SH3KBP1: variants seen among roughly 807,000 people sequenced by gnomAD.
SH3KBP1 encodes the protein SH3 domain-containing kinase-binding protein 1.
In SH3KBP1, 8 loss-of-function variants were observed where a neutral mutation model predicts 50.1. That is an observed-to-expected ratio of 0.16 (90% CI 0.09 to 0.29). The LOEUF (loss-of-function observed/expected upper bound fraction) is 0.29, where lower values mean the gene tolerates loss of function less well. Ranked by LOEUF, SH3KBP1 falls within the 10% of genes least tolerant of loss-of-function variation. The pLI is 1.00. For synonymous variants in SH3KBP1, 227 were observed against 218.6 expected, an observed-to-expected ratio of 1.04 and a Z score of -0.34; for missense variants, 377 against 535.2, an observed-to-expected ratio of 0.70 and a Z score of 2.92.
chrX:19,703,326 A>G (rs1404914407), intron 4 of SH3KBP1, among the ~76,000 whole-genome samples: 1 of 111,666 alleles, frequency 9.0e-6, no homozygotes, highest in East Asian at 2.8e-4. Flanking sequence ...AATGTTTAAA[A>G]AAAAAAAACT....
At chrX:19,582,486 T>G (rs763371697) in intron 12 of SH3KBP1, among the ~76,000 whole-genome samples, 4 of 112,090 alleles carry the variant, frequency 3.6e-5, no homozygotes, top group Non-Finnish European at 7.5e-5. Context: ...CCTTCATTCA[T>G]TCATCTTCAG....
chrX:19,537,463 G>GA (rs367732402), intron 17 of SH3KBP1, among the ~76,000 whole-genome samples: 5,345 of 66,718 alleles, frequency 0.08, 476 homozygotes, highest in African/African-American at 0.23. Context: ...GTCTCAAAAA[G>GA]AAAAAAAAAA....
chrX:19,563,049 G>T (rs964008818), intron 13 of SH3KBP1, among the ~76,000 whole-genome samples: 1 of 111,773 alleles, frequency 8.9e-6, no homozygotes, highest in Non-Finnish European at 1.9e-5. Context: ...CTGAGTTTGC[G>T]CTTATGGGAT....
At chrX:19,790,457 A>G (rs1344040134) in intron 2 of SH3KBP1, among the ~76,000 whole-genome samples, 1 of 111,822 alleles carries the variant, frequency 8.9e-6, no homozygotes, top group African/African-American at 3.3e-5. Flanking sequence ...ACCCCATGAA[A>G]TCAGAAGAAT....
At chrX:19,591,343 A>G (rs772882779) in intron 11 of SH3KBP1, among the ~76,000 whole-genome samples, 4 of 112,112 alleles carry the variant, frequency 3.6e-5, no homozygotes, top group Non-Finnish European at 7.5e-5. Flanking sequence ...ATCAAATCCT[A>G]GACACCTAAT....
intron 13 of SH3KBP1, among the ~76,000 whole-genome samples, chrX:19,568,441 C>G (rs1008541739): frequency 1.8e-5 from 2 of 111,458 alleles, no homozygotes; most frequent in Admixed American, 1.9e-4. Context: ...GCCTTTATGT[C>G]AAAAAATAAA....
At chrX:19,725,485 AAAC>A (rs1165020723) in intron 3 of SH3KBP1, among the ~76,000 whole-genome samples, 9 of 110,090 alleles carry the variant, frequency 8.2e-5, no homozygotes, top group African/African-American at 3.0e-4. Context: ...AAATAAATAA[AAAC>A]AAATAAAATG....
chrX:19,858,451 T>A (rs1331185300), intron 1 of SH3KBP1, among the ~76,000 whole-genome samples: 1 of 110,769 alleles, frequency 9.0e-6, no homozygotes. Context: ...TGAGATCCCA[T>A]CTCTACAAAA....
intron 1 of SH3KBP1, among the ~76,000 whole-genome samples, chrX:19,862,031 C>T (rs969655770): frequency 1.8e-5 from 2 of 112,060 alleles, no homozygotes; most frequent in African/African-American, 3.2e-5. Flanking sequence ...GTAGCCACTG[C>T]TCTGATTGTG....
intron 4 of SH3KBP1, among the ~76,000 whole-genome samples, chrX:19,698,519 C>T (rs1055087223): frequency 8.9e-6 from 1 of 111,993 alleles, no homozygotes; most frequent in Non-Finnish European, 1.9e-5. Flanking sequence ...TCATTAACCA[C>T]GCAGTAAGTG....
At chrX:19,757,145 CTTTTT>C (rs34733630) in intron 2 of SH3KBP1, among the ~76,000 whole-genome samples, 1 of 74,715 alleles carries the variant, frequency 1.3e-5, no homozygotes, top group Admixed American at 1.5e-4. Flanking sequence ...TTATTGACTG[CTTTTT>C]TTTTTTTTTT....
At position 19,691,325 on chromosome X, in the gene SH3KBP1, G is replaced by A. The variant is rs868468578; in HGVS notation, c.520+4287C>T. 3.4e-4 allele frequency among the ~76,000 whole-genome samples: 29 copies of A among 84,376 alleles called. No individual in the cohort carries two copies. The South Asian group carries it at 6.3e-3, about 18-fold the overall frequency. 73.3% of individuals were successfully genotyped at this position (84,376 alleles called of 115,157 possible). A position where few individuals can be genotyped will look rare whatever the true frequency, so the allele number is the denominator to read the frequency against. ...CACGCATGCGCACTCAATCTCTGTC[G>A]CTCTCTCTCTCTCTCTCTCTCTCTC... On this transcript the variant is annotated intron_variant, in intron 5 of 17. Transcript: ENST00000397821.
rs554050125 is a variant in SH3KBP1, at chrX:19,789,485, T to C, written c.163-43044A>G. Among the ~76,000 whole-genome samples, 147 of 110,398 alleles carry C rather than the reference T, an allele frequency of 1.3e-3. 1 individual carries two copies. In the South Asian group the frequency reaches 0.054, roughly 40 times the overall value. ...CTCTGAAGGCTGGAATCAAGGTACA[T>C]TGGGTTTCTCCTGGGGCCCCTCTCC... On this transcript the variant is annotated intron_variant, in intron 2 of 17. Transcript: ENST00000397821.
At chrX:19,772,048 T>C (rs1238568127) in intron 2 of SH3KBP1, among the ~76,000 whole-genome samples, 1 of 111,009 alleles carries the variant, frequency 9.0e-6, no homozygotes. Context: ...TTCTGGTTCC[T>C]GCCTGCATTT....
intron 2 of SH3KBP1, among the ~76,000 whole-genome samples, chrX:19,827,010 G>A (rs1395789796): frequency 2.7e-5 from 3 of 111,675 alleles, no homozygotes; most frequent in Non-Finnish European, 5.6e-5. Flanking sequence ...TCTTGGAGTG[G>A]TACAATTAGG....
chrX:19,711,194 T>C (rs1252935075), intron 3 of SH3KBP1, among the ~76,000 whole-genome samples: 2 of 111,510 alleles, frequency 1.8e-5, no homozygotes, highest in Non-Finnish European at 3.8e-5. Context: ...CAGAAGGGAC[T>C]AGCTGCACTA....
At chrX:19,714,380 C>A (rs2063851327) in intron 3 of SH3KBP1, among the ~76,000 whole-genome samples, 1 of 111,658 alleles carries the variant, frequency 9.0e-6, no homozygotes, top group South Asian at 3.7e-4. Context: ...AGGATAAATG[C>A]TTGAGGGGAT....
chrX:19,804,781 G>A (rs1351704826), intron 2 of SH3KBP1, among the ~76,000 whole-genome samples: 4 of 108,617 alleles, frequency 3.7e-5, no homozygotes, highest in African/African-American at 6.7e-5. Context: ...TAGGTCTAAA[G>A]TGTCAGAAAT....
chrX:19,661,297 T>C (rs2062443212), intron 6 of SH3KBP1, among the ~76,000 whole-genome samples: 1 of 112,344 alleles, frequency 8.9e-6, no homozygotes, highest in African/African-American at 3.2e-5. Context: ...GTCCTCTATG[T>C]ATCTAGAGCC....
Sources: allele counts gnomAD v4.1 joint callset (sites outside exome capture counted in the v4.1 genomes callset), GRCh38; gene constraint gnomAD v4.1.1; transcripts MANE v1.5; gene names NCBI Gene and HGNC (gene_info 2026-07-23, HGNC 2026-07-21).